OR9Q1: variants seen among roughly 807,000 people sequenced by gnomAD.
OR9Q1 encodes olfactory receptor 9Q1.
For missense variants in OR9Q1, 374 were observed against 378.8 expected, an observed-to-expected ratio of 0.99 and a Z score of 0.11; for synonymous variants, 153 against 148.6, an observed-to-expected ratio of 1.03 and a Z score of -0.22.
At chr11:58,115,623 A>G (rs1853946133) in intron 2 of OR9Q1, among the ~76,000 whole-genome samples, 1 of 152,118 alleles carries the variant, frequency 6.6e-6, no homozygotes, top group African/African-American at 2.4e-5. Context: ...CTTGAATCCC[A>G]CTATGTTGTT....
chr11:58,168,886 A>G (rs911106675), intron 2 of OR9Q1, among the ~76,000 whole-genome samples: 1 of 152,126 alleles, frequency 6.6e-6, no homozygotes, highest in Non-Finnish European at 1.5e-5. Context: ...ATCAATGTCA[A>G]TTATTTTTAA....
chr11:58,137,455 G>A (rs1208308506), intron 2 of OR9Q1, among the ~76,000 whole-genome samples: 1 of 152,164 alleles, frequency 6.6e-6, no homozygotes, highest in Non-Finnish European at 1.5e-5. Context: ...GCTACAAAGA[G>A]GAGAACAGGG....
chr11:58,025,494 C>T (rs920663228), intron 1 of OR9Q1, among the ~76,000 whole-genome samples: 4 of 152,240 alleles, frequency 2.6e-5, no homozygotes, highest in African/African-American at 7.2e-5. Flanking sequence ...CCACTGCGCC[C>T]GGCCTCCTTT....
At chr11:58,060,719 T>G (rs1281652226) in intron 2 of OR9Q1, among the ~76,000 whole-genome samples, 3 of 152,182 alleles carry the variant, frequency 2.0e-5, no homozygotes, top group Non-Finnish European at 2.9e-5. Flanking sequence ...ATGCTTGTAA[T>G]TCCAGTTACT....
At chr11:58,114,923 G>GT (rs1449742057) in intron 2 of OR9Q1, among the ~76,000 whole-genome samples, 1 of 152,102 alleles carries the variant, frequency 6.6e-6, no homozygotes, top group Non-Finnish European at 1.5e-5. Flanking sequence ...GAGCAGGTTG[G>GT]TCTCATCTAT....
chr11:58,048,679 A>AAT (rs1554965248), intron 1 of OR9Q1, among the ~76,000 whole-genome samples: 9 of 131,428 alleles, frequency 6.8e-5, no homozygotes, highest in Non-Finnish European at 1.1e-4. Context: ...TAAAAAAAAA[A>AAT]ATATATATAT....
chr11:58,056,234 A>G (rs1301543171), intron 2 of OR9Q1, among the ~76,000 whole-genome samples: 1 of 152,208 alleles, frequency 6.6e-6, no homozygotes, highest in Non-Finnish European at 1.5e-5. Context: ...GACTTGCACA[A>G]TTCCTGAAAA....
chr11:58,037,696 T>TTG (rs1853120668), intron 1 of OR9Q1, among the ~76,000 whole-genome samples: 1 of 5,840 alleles, frequency 1.7e-4, no homozygotes, highest in Admixed American at 2.6e-3. Context: ...TATATTTTTT[T>TTG]TTTTTTTTTT....
chr11:58,031,506 C>T lies in OR9Q1; in HGVS notation c.-93+7402C>T, dbSNP rs1448268413. ...GTCATTGACCATTTCTCCTGTGATG[C>T]CTCACCCTTGCTAGCCTTGTCGTGC... On this transcript the variant is annotated intron_variant, in intron 1 of 2. Transcript: ENST00000335397. 6.2e-7 allele frequency: 1 copy of T among 1,614,098 alleles called. No homozygotes were observed. The highest frequency in any genetic ancestry group is 1.7e-5 in the Admixed American group (1 of 60,006).
Position 58,157,525 on chromosome 11 carries a change from GAAAGAAGGAAGA to G in OR9Q1, c.-14-21894_-14-21883del, listed in dbSNP as rs552672097. Among the ~76,000 whole-genome samples the G allele has an allele frequency of 5.1e-4, 78 of 152,204 alleles. No individual in the cohort carries two copies. The Middle Eastern group carries it at 0.024, about 46-fold the overall frequency. On this transcript the variant is annotated intron_variant, in intron 2 of 2. Coordinates refer to ENST00000335397, the MANE Select transcript of OR9Q1 (RefSeq NM_001005212.4). ...AGTAAAAATAATACCTGAGAAAAAG[GAAAGAAGGAAGA>G]AAAGAAGGAAGGAAAAGACAGAGGA...
At chr11:58,053,572 C>T (rs1261407104) in intron 1 of OR9Q1, among the ~76,000 whole-genome samples, 3 of 108,896 alleles carry the variant, frequency 2.8e-5, no homozygotes, top group African/African-American at 9.0e-5. Context: ...ACATTGTGCA[C>T]ATGTACCCTA....
intron 2 of OR9Q1, among the ~76,000 whole-genome samples, chr11:58,067,035 C>CT (rs11301127): frequency 1.4e-3 from 193 of 140,252 alleles, no homozygotes; most frequent in South Asian, 4.9e-3. Flanking sequence ...GGCTTGAATT[C>CT]TTTTTTTTTT....
chr11:58,144,441 T>G (rs1414685234), intron 2 of OR9Q1: 1 of 151,976 alleles, frequency 6.6e-6, no homozygotes, highest in Non-Finnish European at 1.5e-5. Context: ...GAGACTTTAT[T>G]ATTATTATTT....
intron 2 of OR9Q1, among the ~76,000 whole-genome samples, chr11:58,093,508 A>C (rs1291738936): frequency 6.6e-6 from 1 of 152,100 alleles, no homozygotes; most frequent in Non-Finnish European, 1.5e-5. Flanking sequence ...ACTATTAAAA[A>C]GGCACACTTT....
chr11:58,106,574 G>C (rs1853842425), intron 2 of OR9Q1, among the ~76,000 whole-genome samples: 1 of 152,032 alleles, frequency 6.6e-6, no homozygotes, highest in Non-Finnish European at 1.5e-5. Context: ...TTACTGGCAA[G>C]ACCAATGTCA....
At chr11:58,158,421 C>CTTTTT (rs10600970) in intron 2 of OR9Q1, among the ~76,000 whole-genome samples, 2 of 133,734 alleles carry the variant, frequency 1.5e-5, no homozygotes, top group Admixed American at 7.5e-5. Context: ...CCTAGGTCTG[C>CTTTTT]TTTTTTTTTT....
intron 2 of OR9Q1, among the ~76,000 whole-genome samples, chr11:58,093,404 C>T (rs868299872): frequency 6.6e-6 from 1 of 152,064 alleles, no homozygotes; most frequent in African/African-American, 2.4e-5. Context: ...AAATGACCAA[C>T]AAGCATGTGA....
At chr11:58,118,893 C>A in intron 2 of OR9Q1, 1 of 1,613,980 alleles carries the variant, frequency 6.2e-7, no homozygotes. Context: ...CAAGCTTCAG[C>A]AGGGGTGGGA....
At chr11:58,087,869 T>C (rs1025013740) in intron 2 of OR9Q1, among the ~76,000 whole-genome samples, 1 of 151,964 alleles carries the variant, frequency 6.6e-6, no homozygotes, top group African/African-American at 2.4e-5. Flanking sequence ...GCTTCATCCA[T>C]GTCCCTACAA....
Sources: gnomAD v4.1 joint callset for allele counts (sites outside exome capture counted in the v4.1 genomes callset) on GRCh38, gnomAD v4.1.1 for gene constraint, MANE v1.5 for transcripts, NCBI Gene and HGNC (gene_info 2026-07-23, HGNC 2026-07-21) for gene names.